Variants in P3H2 observed in about 807,000 individuals in gnomAD.
P3H2 encodes leprecan-like 1.
Under a neutral mutation model 87.0 loss-of-function variants are expected in P3H2, and 80 were observed. That is an observed-to-expected ratio of 0.92 (90% CI 0.77 to 1.11). The LOEUF (loss-of-function observed/expected upper bound fraction) is 1.11. Ranked by LOEUF, P3H2 falls within the 50% of genes least tolerant of loss-of-function variation. The pLI, the probability that P3H2 is intolerant of heterozygous loss-of-function variation, is 0.00. For synonymous variants in P3H2, 367 were observed against 359.3 expected, an observed-to-expected ratio of 1.02 and a Z score of -0.24; for missense variants, 1,001 against 923.9, an observed-to-expected ratio of 1.08 and a Z score of -1.08.
chr3:190,034,853 C>CTTT (rs58325211), intron 1 of P3H2, among the ~76,000 whole-genome samples: 7 of 140,286 alleles, frequency 5.0e-5, no homozygotes, highest in East Asian at 2.0e-4. Context: ...CTTTTCTTTT[C>CTTT]TTTTTTTTTT....
At chr3:189,992,667 A>G (rs1307716425) in intron 3 of P3H2, among the ~76,000 whole-genome samples, 1 of 152,206 alleles carries the variant, frequency 6.6e-6, no homozygotes, top group Non-Finnish European at 1.5e-5. Flanking sequence ...ACATCACTTA[A>G]TCTTTTTCAG....
In P3H2 at chr3:189,973,897, T is replaced by C. The variant is rs778054302; in HGVS notation, c.1548+12A>G. 8.7e-6 allele frequency: 14 copies of C among 1,600,730 alleles called. 2 individuals carry two copies. Among genetic ancestry groups the C allele is most frequent in the Middle Eastern group, 1.7e-4 (1 of 6,060 alleles). On this transcript the variant is annotated intron_variant, in intron 10 of 14. Coordinates refer to ENST00000319332, the MANE Select transcript of P3H2 (RefSeq NM_018192.4). ...CTAAGGAACTCAAACCCAAAAGAAG[T>C]TAAGACTTTACTTTGAGTGCTTTCA...
At position 189,988,928 on chromosome 3, in the gene P3H2, G is replaced by T. The variant is rs1723790718; in HGVS notation, c.934C>A (p.Leu312Ile). Reference protein sequence around the residue: ...ENFLPLHYDYLQFAYYRVGEY... With the variant: ...ENFLPLHYDYIQFAYYRVGEY... ...TTACCTCGATAGTAGGCAAACTGTA[G>T]GTAATCATAGTGCAGAGGAAGAAAA... is the stretch of plus-strand genomic sequence containing the variant. Residue 312 changes from leucine (L) to isoleucine (I), a missense_variant, in exon 4 of 15, where the codon CTA becomes ATA. Coordinates refer to ENST00000319332, the MANE Select transcript of P3H2 (RefSeq NM_018192.4). 6.2e-7 allele frequency: 1 copy of T among 1,614,148 alleles called. No homozygotes were observed. Among genetic ancestry groups the T allele is most frequent in the Non-Finnish European group, 8.5e-7 (1 of 1,180,032 alleles).
chr3:189,992,447 C>G (rs948530165), intron 3 of P3H2, among the ~76,000 whole-genome samples: 5 of 152,066 alleles, frequency 3.3e-5, no homozygotes, highest in Non-Finnish European at 5.9e-5. Context: ...GGAGAGCAAA[C>G]TGATTTTATT....
intron 1 of P3H2, among the ~76,000 whole-genome samples, chr3:190,117,692 C>T (rs1318574934): frequency 1.4e-4 from 14 of 101,312 alleles, no homozygotes; most frequent in Admixed American, 1.1e-3. Flanking sequence ...TGTGCGTATT[C>T]ATAAGTGAAA....
At position 190,120,382 on chromosome 3, in the gene P3H2, G is replaced by T; in HGVS notation, c.350C>A (p.Ala117Glu). The T allele has an allele frequency of 6.5e-7, 1 of 1,542,320 alleles. No individual in the cohort carries two copies. The highest frequency in any genetic ancestry group is 8.7e-7 in the Non-Finnish European group (1 of 1,150,188). ...LPLFRSLLGR[A>E]RCYRSCETQR... ...GGTCTCACAGCTGCGATAACAGCGC[G>T]CCCGCCCCAACAAGGAGCGGAAAAG... is the stretch of plus-strand genomic sequence containing the variant. The change falls in exon 1 of 15, where the codon GCG becomes GAG. Residue 117 changes from alanine to glutamate, a missense_variant. By Grantham distance (107) the Ala-to-Glu change is moderately radical. Transcript: ENST00000319332.
At chr3:190,001,126 C>T (rs888869906) in intron 1 of P3H2, among the ~76,000 whole-genome samples, 4 of 152,136 alleles carry the variant, frequency 2.6e-5, no homozygotes, top group South Asian at 2.1e-4. Context: ...CAAAAGGAAA[C>T]GCTTCTAAAA....
intron 4 of P3H2, among the ~76,000 whole-genome samples, chr3:189,988,214 T>C (rs879646411): frequency 3.3e-5 from 5 of 152,316 alleles, no homozygotes; most frequent in Non-Finnish European, 7.4e-5. Flanking sequence ...TAGCACATCC[T>C]ACAGTAGCAA....
intron 1 of P3H2, among the ~76,000 whole-genome samples, chr3:190,099,065 T>C (rs1443719936): frequency 6.6e-6 from 1 of 152,150 alleles, no homozygotes; most frequent in East Asian, 1.9e-4. Context: ...CATGATTTAC[T>C]GAAGCTTAAT....
chr3:190,112,046 T>C (rs1000366351), intron 1 of P3H2, among the ~76,000 whole-genome samples: 1 of 152,210 alleles, frequency 6.6e-6, no homozygotes, highest in African/African-American at 2.4e-5. Flanking sequence ...GGTTGACAAT[T>C]TTCCCCATGG....
chr3:189,986,729 A>C, intron 6 of P3H2, 59 bp downstream of exon 6: 5 of 1,254,608 alleles, frequency 4.0e-6, no homozygotes, highest in South Asian at 1.2e-5. Flanking sequence ...AGGTAATAAA[A>C]ACATAAAAAG....
At chr3:190,051,156 T>C (rs78589766) in intron 1 of P3H2, among the ~76,000 whole-genome samples, 2,982 of 152,312 alleles carry the variant, frequency 0.02, 109 homozygotes, top group African/African-American at 0.069. Flanking sequence ...ACAATGCTAA[T>C]GCCATTTGAT....
At chr3:190,026,474 A>C (rs1395018773) in intron 1 of P3H2, among the ~76,000 whole-genome samples, 1 of 152,022 alleles carries the variant, frequency 6.6e-6, no homozygotes, top group Non-Finnish European at 1.5e-5. Flanking sequence ...GCTGAGAGTC[A>C]CCTCCGGTCA....
chr3:190,042,957 A>G (rs1360851481), intron 1 of P3H2, among the ~76,000 whole-genome samples: 1 of 152,192 alleles, frequency 6.6e-6, no homozygotes, highest in Non-Finnish European at 1.5e-5. Flanking sequence ...TTTCATTTGA[A>G]ATGTAATCAC....
At chr3:190,048,765 T>C (rs1020606576) in intron 1 of P3H2, among the ~76,000 whole-genome samples, 1 of 152,120 alleles carries the variant, frequency 6.6e-6, no homozygotes, top group Non-Finnish European at 1.5e-5. Context: ...AAGCAATGTT[T>C]CTTCCAGGTC....
At chr3:190,003,107 T>C (rs1422377075) in intron 1 of P3H2, among the ~76,000 whole-genome samples, 3 of 152,162 alleles carry the variant, frequency 2.0e-5, no homozygotes, top group Non-Finnish European at 2.9e-5. Flanking sequence ...TTCTGAAGAG[T>C]AATATTTCCT....
chr3:190,041,583 C>T (rs77740414), intron 1 of P3H2, among the ~76,000 whole-genome samples: 3,694 of 152,236 alleles, frequency 0.024, 134 homozygotes, highest in African/African-American at 0.083. Flanking sequence ...AGAATAATAG[C>T]TACTTTGCAA....
intron 1 of P3H2, among the ~76,000 whole-genome samples, chr3:190,099,394 T>A (rs554967797): frequency 1.2e-4 from 18 of 152,314 alleles, no homozygotes; most frequent in African/African-American, 4.3e-4. Context: ...GAGAGAAGAA[T>A]TACACTTGGA....
chr3:190,100,886 T>A (rs1711601469), intron 1 of P3H2, among the ~76,000 whole-genome samples: 1 of 152,142 alleles, frequency 6.6e-6, no homozygotes, highest in Non-Finnish European at 1.5e-5. Flanking sequence ...CGACCTTGCA[T>A]CAGGCCACTT....
Sources: allele counts gnomAD v4.1 joint callset (sites outside exome capture counted in the v4.1 genomes callset), GRCh38; gene constraint gnomAD v4.1.1; transcripts MANE v1.5; gene names NCBI Gene and HGNC (gene_info 2026-07-23, HGNC 2026-07-21).